Variants in VWC2L observed in about 807,000 individuals in gnomAD.
VWC2L encodes the protein von Willebrand factor C domain containing 2 like, also known as von Willebrand factor C domain-containing protein 2-like.
In VWC2L, 10 loss-of-function variants were observed where a neutral mutation model predicts 21.6. That is an observed-to-expected ratio of 0.46 (90% CI 0.29 to 0.78). The LOEUF (loss-of-function observed/expected upper bound fraction) is 0.78, where lower values mean the gene tolerates loss of function less well. Among genes scored for constraint, VWC2L ranks in the 30% least tolerant of loss-of-function variants. VWC2L has a pLI of 0.10. For missense variants in VWC2L, 209 were observed against 277.1 expected (o/e 0.75, Z 1.74); for synonymous variants, 96 against 94.3 (o/e 1.02, Z -0.10).
At chr2:214,552,923 C>T (rs1689817168) in intron 3 of VWC2L, among the ~76,000 whole-genome samples, 1 of 152,200 alleles carries the variant, frequency 6.6e-6, no homozygotes, top group African/African-American at 2.4e-5. Flanking sequence ...CCTAAGCTTT[C>T]CTCTTTTATA....
chr2:214,475,605 AT>A (rs2126194813), intron 3 of VWC2L, among the ~76,000 whole-genome samples: 1 of 152,314 alleles, frequency 6.6e-6, no homozygotes, highest in African/African-American at 2.4e-5. Context: ...AAGACATGAC[AT>A]CTGCAATGGA....
intron 2 of VWC2L, among the ~76,000 whole-genome samples, chr2:214,429,761 G>A (rs1702572812): frequency 6.6e-6 from 1 of 151,934 alleles, no homozygotes; most frequent in African/African-American, 2.4e-5. Flanking sequence ...AGGGTTACCT[G>A]CCCTTAAATA....
At chr2:214,412,856 G>GA (rs1455050401) in intron 1 of VWC2L, among the ~76,000 whole-genome samples, 2 of 151,974 alleles carry the variant, frequency 1.3e-5, no homozygotes, top group African/African-American at 2.4e-5. Flanking sequence ...TAACTGACCT[G>GA]AAAATGTCCT....
chr2:214,557,940 C>T (rs1224146985), intron 3 of VWC2L, among the ~76,000 whole-genome samples: 1 of 152,226 alleles, frequency 6.6e-6, no homozygotes, highest in Admixed American at 6.5e-5. Flanking sequence ...TGCACTGTCT[C>T]TTACAGCTAC....
intron 3 of VWC2L, among the ~76,000 whole-genome samples, chr2:214,529,445 T>A (rs1216127450): frequency 6.6e-6 from 1 of 152,156 alleles, no homozygotes; most frequent in African/African-American, 2.4e-5. Context: ...TCTAAGATTT[T>A]AAAACTGAAG....
intron 3 of VWC2L, among the ~76,000 whole-genome samples, chr2:214,558,813 G>GTT (rs67900409): frequency 2.2e-4 from 31 of 144,088 alleles, no homozygotes; most frequent in South Asian, 4.5e-4. Context: ...CTATAGTTTT[G>GTT]TTTTTTTTTT....
At chr2:214,525,811 T>C (rs925089794) in intron 3 of VWC2L, among the ~76,000 whole-genome samples, 8 of 152,194 alleles carry the variant, frequency 5.3e-5, no homozygotes, top group African/African-American at 1.9e-4. Context: ...TTTTGCTTTT[T>C]AGTTAAACCT....
At chr2:214,483,107 A>C (rs1412841336) in intron 3 of VWC2L, among the ~76,000 whole-genome samples, 1 of 152,134 alleles carries the variant, frequency 6.6e-6, no homozygotes, top group Non-Finnish European at 1.5e-5. Flanking sequence ...GTGACATTCT[A>C]ATTGACTGGT....
chr2:214,443,124 T>G (rs1702786067), intron 3 of VWC2L, among the ~76,000 whole-genome samples: 2 of 152,114 alleles, frequency 1.3e-5, no homozygotes, highest in African/African-American at 4.8e-5. Flanking sequence ...CTCTCACCTA[T>G]AATCCCAGCA....
In VWC2L at chr2:214,414,114, C is replaced by T; in HGVS notation, c.-80C>T. 3 of 1,422,528 alleles carry T rather than the reference C, an allele frequency of 2.1e-6. No individual in the cohort carries two copies. The highest frequency in any genetic ancestry group is 2.9e-6 in the Non-Finnish European group (3 of 1,050,854). The allele number at this position is 1,422,528 out of a possible 1,614,324, so 88.1% of individuals were successfully genotyped here. On this transcript the variant is annotated splice_region_variant and 5_prime_UTR_variant, in exon 2 of 4. Transcript: ENST00000312504. ...ATTCTTTTTAAATATTTATTTTCAG[C>T]CTACCCCTCTTGTATTCCCATGGAA...
intron 2 of VWC2L, among the ~76,000 whole-genome samples, chr2:214,421,632 C>G (rs1702441502): frequency 6.6e-6 from 1 of 152,014 alleles, no homozygotes; most frequent in Non-Finnish European, 1.5e-5. Flanking sequence ...GTGACTACCC[C>G]AGACTTGAGG....
At chr2:214,562,235 C>T (rs898369333) in intron 3 of VWC2L, among the ~76,000 whole-genome samples, 19 of 152,140 alleles carry the variant, frequency 1.2e-4, no homozygotes, top group Non-Finnish European at 2.2e-4. Context: ...TAAGTGAGAA[C>T]ATGCAGTGTT....
intron 3 of VWC2L, among the ~76,000 whole-genome samples, chr2:214,530,940 T>C (rs890784933): frequency 1.3e-5 from 2 of 152,208 alleles, no homozygotes; most frequent in Non-Finnish European, 2.9e-5. Flanking sequence ...TTAGGATGAA[T>C]AGGTGAAAAC....
At chr2:214,516,255 C>T (rs575462501) in intron 3 of VWC2L, among the ~76,000 whole-genome samples, 2 of 152,048 alleles carry the variant, frequency 1.3e-5, no homozygotes, top group Admixed American at 1.3e-4. Flanking sequence ...CGGTGTATCG[C>T]CCCAGGAGTC....
At chr2:214,510,108 T>C (rs917443213) in intron 3 of VWC2L, 1 of 152,172 alleles carries the variant, frequency 6.6e-6, no homozygotes, top group African/African-American at 2.4e-5. Context: ...TTAAATTAAA[T>C]CCCAAGCTTC....
At chr2:214,513,352 T>G (rs746278158) in intron 3 of VWC2L, among the ~76,000 whole-genome samples, 3 of 152,102 alleles carry the variant, frequency 2.0e-5, no homozygotes, top group Non-Finnish European at 4.4e-5. Flanking sequence ...GCAAATAGTT[T>G]TGTGAGCTGA....
At chr2:214,415,955 T>G (rs922771316) in intron 2 of VWC2L, among the ~76,000 whole-genome samples, 2 of 152,114 alleles carry the variant, frequency 1.3e-5, no homozygotes, top group African/African-American at 4.8e-5. Context: ...TATTAATGGT[T>G]TTATGATCTC....
intron 3 of VWC2L, among the ~76,000 whole-genome samples, chr2:214,533,607 G>A (rs1689477316): frequency 6.6e-6 from 1 of 151,034 alleles, no homozygotes; most frequent in Non-Finnish European, 1.5e-5. Context: ...TAACAGACAG[G>A]ATCCAACGCT....
intron 3 of VWC2L, among the ~76,000 whole-genome samples, chr2:214,538,062 A>G (rs1163738468): frequency 6.6e-6 from 1 of 152,072 alleles, no homozygotes; most frequent in African/African-American, 2.4e-5. Context: ...TGAGAGTACT[A>G]TAGGAGATGG....
Sources: gnomAD v4.1 joint callset for allele counts (sites outside exome capture counted in the v4.1 genomes callset) on GRCh38, gnomAD v4.1.1 for gene constraint, MANE v1.5 for transcripts, NCBI Gene and HGNC (gene_info 2026-07-23, HGNC 2026-07-21) for gene names.